The following PBX3 variants were observed in gnomAD, a reference collection of about 807,000 sequenced individuals.
PBX3 encodes the protein PBX homeobox 3, also known as pre-B-cell leukemia transcription factor 3.
A neutral mutation model predicts 48.5 loss-of-function variants in PBX3; 14 were observed. The ratio of observed to expected loss-of-function variants is 0.29; its 90% CI spans 0.19 to 0.45. The LOEUF (loss-of-function observed/expected upper bound fraction) is 0.45, where lower values mean the gene tolerates loss of function less well. PBX3 is among the 20% of genes least tolerant of loss of function. The pLI, the probability that PBX3 is intolerant of heterozygous loss-of-function variation, is 1.00. For synonymous variants in PBX3, 210 were observed against 200.3 expected (o/e 1.05, Z -0.41); for missense variants, 386 against 546.7 (o/e 0.71, Z 2.93).
intron 4 of PBX3, among the ~76,000 whole-genome samples, chr9:125,931,324 T>G (rs1040334368): frequency 5.3e-5 from 8 of 152,120 alleles, no homozygotes; most frequent in African/African-American, 1.9e-4. Flanking sequence ...CCTTATGCAT[T>G]CCCTATGCAC....
intron 2 of PBX3, among the ~76,000 whole-genome samples, chr9:125,841,711 G>A (rs376301139): frequency 1.5e-4 from 23 of 152,152 alleles, no homozygotes; most frequent in African/African-American, 5.1e-4. Context: ...TCAGAATGCT[G>A]TTGAATGGGC....
At chr9:125,924,127 C>A (rs1841517667) in intron 3 of PBX3, among the ~76,000 whole-genome samples, 5 of 152,192 alleles carry the variant, frequency 3.3e-5, no homozygotes, top group Admixed American at 3.3e-4. Context: ...ACTTCGCCCC[C>A]ACAAAGTACT....
In PBX3 at chr9:125,762,815, G is replaced by A. The variant is rs189465286; in HGVS notation, c.274+14192G>A. ...AACAAGGAGAATGATTCGATCTAAA[G>A]CGGTCAAAAAAATCAACAATATTGT... On this transcript the variant is annotated intron_variant, in intron 2 of 8. Transcript: ENST00000373489. Among the ~76,000 whole-genome samples, 29 of 152,202 alleles carry A rather than the reference G, an allele frequency of 1.9e-4. No homozygotes were observed. In the East Asian group the frequency reaches 4.6e-3, roughly 24 times the overall value.
intron 3 of PBX3, among the ~76,000 whole-genome samples, chr9:125,916,164 C>G (rs779872393): frequency 6.6e-6 from 1 of 152,290 alleles, no homozygotes; most frequent in Non-Finnish European, 1.5e-5. Context: ...TTATTCATTC[C>G]GCACATTCAC....
At chr9:125,762,383 T>C (rs1836693133) in intron 2 of PBX3, among the ~76,000 whole-genome samples, 1 of 152,222 alleles carries the variant, frequency 6.6e-6, no homozygotes, top group Non-Finnish European at 1.5e-5. Context: ...TCTCAAATTC[T>C]TTACCTTTGA....
chr9:125,945,180 T>C (rs544063942), intron 5 of PBX3, among the ~76,000 whole-genome samples: 34 of 151,582 alleles, frequency 2.2e-4, no homozygotes, highest in African/African-American at 8.0e-4. Flanking sequence ...GCCGAGATTA[T>C]GCCAGTGCAC....
At chr9:125,917,740 A>G (rs1292885292) in intron 3 of PBX3, among the ~76,000 whole-genome samples, 1 of 152,228 alleles carries the variant, frequency 6.6e-6, no homozygotes, top group Admixed American at 6.5e-5. Context: ...GAGGAAGAGT[A>G]GAAAAATTTG....
At chr9:125,904,606 C>T (rs1369442467) in intron 2 of PBX3, among the ~76,000 whole-genome samples, 1 of 151,844 alleles carries the variant, frequency 6.6e-6, no homozygotes, top group African/African-American at 2.4e-5. Flanking sequence ...TATTGCTCTC[C>T]GACTTCCACT....
intron 2 of PBX3, among the ~76,000 whole-genome samples, chr9:125,894,631 G>A (rs1375482184): frequency 2.0e-5 from 3 of 152,082 alleles, no homozygotes; most frequent in South Asian, 2.1e-4. Context: ...CAGCCATGGC[G>A]GACAGCTCAT....
At chr9:125,902,991 A>G (rs1287731217) in intron 2 of PBX3, among the ~76,000 whole-genome samples, 1 of 151,754 alleles carries the variant, frequency 6.6e-6, no homozygotes, top group East Asian at 1.9e-4. Context: ...CACCTGTTAG[A>G]ACCCAATACT....
intron 3 of PBX3, among the ~76,000 whole-genome samples, chr9:125,918,811 C>T (rs535344935): frequency 5.3e-5 from 8 of 152,272 alleles, no homozygotes; most frequent in South Asian, 2.1e-4. Flanking sequence ...TTATTAGGAT[C>T]GGTGCATTTT....
Position 125,966,139 on chromosome 9 carries a change from C to A in PBX3, c.*216C>A. ...GTTAAAAAAAATAAAGCACTTTATC[C>A]AATTAGGCCAAGATTTAACATTGTT... On this transcript the variant is annotated 3_prime_UTR_variant, in exon 9 of 9. Coordinates refer to ENST00000373489, the MANE Select transcript of PBX3 (RefSeq NM_006195.6). 2.4e-6 allele frequency: 1 copy of A among 417,996 alleles called. No individual in the cohort carries two copies. The highest frequency in any genetic ancestry group is 4.3e-6 in the Non-Finnish European group (1 of 233,560). The allele number at this position is 417,996 out of a possible 1,614,324, so 25.9% of individuals were successfully genotyped here.
chr9:125,944,057 G>A (rs563402810), intron 5 of PBX3, among the ~76,000 whole-genome samples: 1 of 152,362 alleles, frequency 6.6e-6, no homozygotes, highest in African/African-American at 2.4e-5. Flanking sequence ...AGAGTGGATA[G>A]GGAGGAGTGA....
intron 4 of PBX3, among the ~76,000 whole-genome samples, chr9:125,934,748 C>T (rs1841797408): frequency 6.6e-6 from 1 of 152,052 alleles, no homozygotes; most frequent in African/African-American, 2.4e-5. Flanking sequence ...TCACTCCTCC[C>T]ATTCAATACA....
At chr9:125,889,946 G>A (rs1210513103) in intron 2 of PBX3, among the ~76,000 whole-genome samples, 1 of 151,130 alleles carries the variant, frequency 6.6e-6, no homozygotes, top group Admixed American at 6.6e-5. Context: ...CCGCGCCGGC[G>A]GCCCCGGCTG....
intron 2 of PBX3, among the ~76,000 whole-genome samples, chr9:125,833,679 C>G (rs1189323471): frequency 6.6e-6 from 1 of 152,078 alleles, no homozygotes; most frequent in East Asian, 1.9e-4. Flanking sequence ...CCTATTTAGA[C>G]TAAATTTACT....
At chr9:125,958,324 A>G (rs1371381892) in intron 5 of PBX3, among the ~76,000 whole-genome samples, 1 of 152,084 alleles carries the variant, frequency 6.6e-6, no homozygotes, top group African/African-American at 2.4e-5. Flanking sequence ...CCTCGCTTAT[A>G]TACTCTCCTA....
intron 2 of PBX3, among the ~76,000 whole-genome samples, chr9:125,792,701 AT>A (rs11410616): frequency 0.069 from 9,778 of 142,150 alleles, 917 homozygotes; most frequent in African/African-American, 0.23. Context: ...GGTATACTTA[AT>A]TTTTTTTTTT....
At chr9:125,799,360 C>T (rs1301525956) in intron 2 of PBX3, among the ~76,000 whole-genome samples, 3 of 152,058 alleles carry the variant, frequency 2.0e-5, no homozygotes, top group Non-Finnish European at 2.9e-5. Context: ...AAAATGTTAT[C>T]TGGGTGTGGT....
Sources: allele counts gnomAD v4.1 joint callset (sites outside exome capture counted in the v4.1 genomes callset), GRCh38; gene constraint gnomAD v4.1.1; transcripts MANE v1.5; gene names NCBI Gene and HGNC (gene_info 2026-07-23, HGNC 2026-07-21).